FANCM: variants seen among roughly 807,000 people sequenced by gnomAD.
FANCM encodes the protein FA complementation group M, also known as Fanconi anemia group M protein.
A neutral mutation model predicts 199.5 loss-of-function variants in FANCM; 140 were observed. That is an observed-to-expected ratio of 0.70 (90% confidence interval 0.61 to 0.81). The LOEUF (loss-of-function observed/expected upper bound fraction) is 0.81, where lower values mean the gene tolerates loss of function less well. Ranked by LOEUF, FANCM falls within the 30% of genes least tolerant of loss-of-function variation. The pLI, the probability that FANCM is intolerant of heterozygous loss-of-function variation, is 0.00. For missense variants in FANCM, 2,410 were observed against 2,421.4 expected (o/e 1.00, Z 0.10); for synonymous variants, 840 against 836.8 (o/e 1.00, Z -0.07).
At position 45,154,839 on chromosome 14, in the gene FANCM, A is replaced by G; in HGVS notation, c.1309+17A>G. 1 of 1,603,472 alleles carries G rather than the reference A, an allele frequency of 6.2e-7. No individual in the cohort carries two copies. The highest frequency in any genetic ancestry group is 8.5e-7 in the Non-Finnish European group (1 of 1,173,088). ...TCCAACAAGGTCTGGTTTTTCTTTT[A>G]AAATTATGTATTGTGTTGTGTTTCT... is the stretch of plus-strand genomic sequence containing the variant. On this transcript the variant is annotated intron_variant, in intron 7 of 22. Transcript: ENST00000267430.
rs770342366 is a variant in FANCM at position 45,175,356 on chromosome 14, A to G, written c.2602A>G (p.Lys868Glu). 1.9e-6 allele frequency: 3 copies of G among 1,561,616 alleles called. No homozygotes were observed. The highest frequency in any genetic ancestry group is 2.6e-6 in the Non-Finnish European group (3 of 1,153,104). The change falls in exon 14 of 23, where the codon AAA becomes GAA. Residue 868 changes from lysine (K) to glutamate (E), a missense_variant. Coordinates refer to ENST00000267430, the MANE Select transcript of FANCM (RefSeq NM_020937.4). ...SKEIKKDQLK[K>E]ENNHGIIDSV... ...AGAAATAAAAAAAGATCAGCTTAAA[A>G]AAGAAAATAATCACGGTATTATAGA...
At chr14:45,145,661 A>G (rs1412505166) in intron 3 of FANCM, among the ~76,000 whole-genome samples, 2 of 152,174 alleles carry the variant, frequency 1.3e-5, no homozygotes, top group Non-Finnish European at 2.9e-5. Context: ...GTGGTGGCTC[A>G]CACCTGTAAT....
intron 3 of FANCM, among the ~76,000 whole-genome samples, chr14:45,147,265 C>T (rs530293864): frequency 6.6e-6 from 1 of 152,076 alleles, no homozygotes; most frequent in African/African-American, 2.4e-5. Context: ...CCCGCCCCCC[C>T]CAAAACCAAG....
chr14:45,178,237 A>C (rs1888838768), intron 14 of FANCM, among the ~76,000 whole-genome samples: 4 of 152,190 alleles, frequency 2.6e-5, no homozygotes, highest in Admixed American at 2.6e-4. Context: ...TCAAAACCTG[A>C]CTATTCTATA....
chr14:45,170,567 C>T, intron 11 of FANCM, 22 bp from the exon 12 acceptor site: 2 of 1,556,860 alleles, frequency 1.3e-6, no homozygotes, highest in Non-Finnish European at 1.8e-6. Flanking sequence ...AGTCTCTTTT[C>T]CATTATTTTT....
At chr14:45,198,370 T>C (rs1890182547) in intron 21 of FANCM, 1 of 264,354 alleles carries the variant, frequency 3.8e-6, no homozygotes, top group Non-Finnish European at 7.2e-6. Context: ...AGATGAGTAA[T>C]ACAGTCTTGG....
intron 11 of FANCM, among the ~76,000 whole-genome samples, chr14:45,168,915 C>T (rs1594789668): frequency 6.8e-6 from 1 of 147,220 alleles, no homozygotes; most frequent in Admixed American, 6.8e-5. Context: ...TCTGAATTGA[C>T]TATTTTTTAT....
intron 8 of FANCM, among the ~76,000 whole-genome samples, chr14:45,157,436 T>C (rs958758159): frequency 6.6e-5 from 10 of 152,050 alleles, no homozygotes; most frequent in Non-Finnish European, 1.5e-4. Context: ...GAAAAAAAGC[T>C]TGGGGAGGAA....
intron 3 of FANCM, among the ~76,000 whole-genome samples, chr14:45,146,832 CAAAAAAA>C (rs762253487): frequency 4.7e-5 from 2 of 42,168 alleles, no homozygotes; most frequent in African/African-American, 7.1e-5. Flanking sequence ...GACTCTGTCT[CAAAAAAA>C]AAAAAAAAAA....
intron 8 of FANCM, among the ~76,000 whole-genome samples, chr14:45,157,465 T>C (rs377029854): frequency 1.3e-5 from 2 of 152,096 alleles, no homozygotes; most frequent in South Asian, 2.1e-4. Flanking sequence ...AGTAAAATGT[T>C]AGAGAAGCTG....
Position 45,189,271 on chromosome 14 carries a change from C to T in FANCM, c.5249C>T (p.Pro1750Leu), listed in dbSNP as rs1251989664. ...DTISEVSDFK[P>L]QNHNEVQSTT... ...ATTTCCGAAGTCTCAGACTTCAAAC[C>T]TCAGAATCATAATGAAGTCCAGTCT... The change falls in exon 20 of 23, where the codon CCT becomes CTT. Residue 1750 changes from proline to leucine, a missense_variant. By Grantham distance (98) the Pro-to-Leu change is moderately conservative (BLOSUM62 -3). Coordinates refer to ENST00000267430, the MANE Select transcript of FANCM (RefSeq NM_020937.4). The T allele has an allele frequency of 1.1e-5, 17 of 1,613,570 alleles. No homozygotes were observed. In the Middle Eastern group the frequency reaches 8.2e-4, roughly 78 times the overall value.
intron 8 of FANCM, among the ~76,000 whole-genome samples, chr14:45,155,713 C>T (rs1049663774): frequency 6.6e-6 from 1 of 152,190 alleles, no homozygotes; most frequent in African/African-American, 2.4e-5. Flanking sequence ...GTAGGAGAAT[C>T]GCTTGAACCT....
Position 45,175,199 on chromosome 14 carries a change from G to A in FANCM, c.2445G>A (p.Ser815=), listed in dbSNP as rs61745871. Residue 815 remains serine (S), a synonymous_variant, in exon 14 of 23, where the codon TCG becomes TCA. Coordinates refer to ENST00000267430, the MANE Select transcript of FANCM (RefSeq NM_020937.4). ...ASDTFITHKK[S]SFIKNINQGS... Reference sequence around the variant, plus strand: ...ACACCTTTATCACTCACAAGAAATCGTCATTTATAAAGAACATAAATCAAG... The same window carrying A: ...ACACCTTTATCACTCACAAGAAATCATCATTTATAAAGAACATAAATCAAG... The A allele has an allele frequency of 1.5e-3, 2,368 of 1,610,974 alleles. 41 individuals carry two copies. In the African/African-American group the frequency reaches 0.026, roughly 18 times the overall value.
Position 45,140,644 on chromosome 14 carries a change from C to A in FANCM, c.694C>A (p.Leu232Ile). Residue 232 changes from leucine (L) to isoleucine (I), a missense_variant, in exon 3 of 23, where the codon CTA (leucine) becomes ATA (isoleucine). Coordinates refer to ENST00000267430, the MANE Select transcript of FANCM (RefSeq NM_020937.4). ...NYAYCQVVRE[L>I]VKYTNHFRIL... is the part of the protein sequence containing the mutation. ...TTTTTTTCTTAAGGTTGTAAGAGAA[C>A]TAGTCAAATATACAAATCACTTTAG... The A allele has an allele frequency of 6.3e-7, 1 of 1,588,068 alleles. No homozygotes were observed. The highest frequency in any genetic ancestry group is 8.6e-7 in the Non-Finnish European group (1 of 1,157,538).
chr14:45,183,644 T>G (rs1286049534), intron 16 of FANCM, 130 bp from the exon 17 acceptor site: 2 of 629,818 alleles, frequency 3.2e-6, no homozygotes, highest in Admixed American at 6.0e-5. Context: ...TTATTTACTT[T>G]TACATTCTTA....
chr14:45,173,300 A>T, intron 13 of FANCM, 90 bp downstream of exon 13: 1 of 1,217,188 alleles, frequency 8.2e-7, no homozygotes, highest in Non-Finnish European at 1.2e-6. Context: ...GTAATAAGAA[A>T]TACTTTGTTT....
At chr14:45,167,480 G>T (rs944601665) in intron 11 of FANCM, 1 of 294,876 alleles carries the variant, frequency 3.4e-6, no homozygotes. Flanking sequence ...TACAATGTGC[G>T]CTGAAGATAA....
chr14:45,175,279 A>C lies in FANCM; in HGVS notation c.2525A>C (p.Gln842Pro). ...GAAGAATGTGCTGAAATTGTTAAAC[A>C]AACTCATATCAAACCTACTAAAATT... ...SDEECAEIVK[Q>P]THIKPTKIVS... The change falls in exon 14 of 23, where the codon CAA (glutamine) becomes CCA (proline). Residue 842 changes from glutamine to proline, a missense_variant. By Grantham distance (76) the Gln-to-Pro change is moderately conservative. Coordinates refer to ENST00000267430, the MANE Select transcript of FANCM (RefSeq NM_020937.4). 1.9e-6 allele frequency: 3 copies of C among 1,599,054 alleles called. No individual in the cohort carries two copies. Among genetic ancestry groups the C allele is most frequent in the Non-Finnish European group, 2.6e-6 (3 of 1,173,962 alleles).
At chr14:45,191,243 A>G (rs1401513646) in intron 20 of FANCM, among the ~76,000 whole-genome samples, 3 of 152,104 alleles carry the variant, frequency 2.0e-5, no homozygotes, top group Non-Finnish European at 4.4e-5. Flanking sequence ...TAGGGTGTCA[A>G]TTTGGTAGGG....
Sources: gnomAD v4.1 joint callset for allele counts (sites outside exome capture counted in the v4.1 genomes callset) on GRCh38, gnomAD v4.1.1 for gene constraint, MANE v1.5 for transcripts, NCBI Gene and HGNC (gene_info 2026-07-23, HGNC 2026-07-21) for gene names.